RAD51B: variants seen among roughly 807,000 people sequenced by gnomAD.
RAD51B encodes the protein RAD51 paralog B, also known as DNA repair protein RAD51 homolog 2.
In RAD51B, 38 loss-of-function variants were observed where a neutral mutation model predicts 42.2. The ratio of observed to expected loss-of-function variants is 0.90; its 90% CI spans 0.70 to 1.18. The LOEUF (loss-of-function observed/expected upper bound fraction) is 1.18, where lower values mean the gene tolerates loss of function less well. Among genes scored for constraint, RAD51B ranks in the 50% most tolerant of loss-of-function variants. The pLI is 0.00. For synonymous variants in RAD51B, 154 were observed against 145.2 expected (o/e 1.06, Z -0.43); for missense variants, 373 against 400.7 (o/e 0.93, Z 0.59).
intron 4 of RAD51B, among the ~76,000 whole-genome samples, chr14:67,855,843 A>G (rs2041980132): frequency 1.3e-5 from 2 of 152,156 alleles, no homozygotes; most frequent in Admixed American, 1.3e-4. Context: ...AACCAGAGAG[A>G]GATTTCAAAT....
intron 9 of RAD51B, among the ~76,000 whole-genome samples, chr14:68,439,192 T>A (rs201383761): frequency 1.4e-5 from 2 of 139,258 alleles, no homozygotes; most frequent in African/African-American, 2.7e-5. Flanking sequence ...ACACACTCTC[T>A]CACACACACA....
chr14:68,230,643 A>G (rs1334447004), intron 7 of RAD51B, among the ~76,000 whole-genome samples: 1 of 152,196 alleles, frequency 6.6e-6, no homozygotes, highest in Non-Finnish European at 1.5e-5. Context: ...GTTCTATGGG[A>G]TCTACAGTGA....
At chr14:68,201,666 A>C (rs1000271306) in intron 7 of RAD51B, among the ~76,000 whole-genome samples, 14 of 152,218 alleles carry the variant, frequency 9.2e-5, no homozygotes, top group African/African-American at 3.4e-4. Flanking sequence ...ATGGGAGAAA[A>C]TACTGTATAT....
intron 5 of RAD51B, 44 bp downstream of exon 5, chr14:67,865,183 T>C: frequency 6.6e-7 from 1 of 1,508,476 alleles, no homozygotes; most frequent in Non-Finnish European, 8.9e-7. Context: ...CTTTTGTAAC[T>C]TATATACAGC....
At chr14:68,130,865 G>A (rs1343588287) in intron 7 of RAD51B, among the ~76,000 whole-genome samples, 3 of 151,890 alleles carry the variant, frequency 2.0e-5, no homozygotes, top group Admixed American at 2.0e-4. Flanking sequence ...GATCTATATG[G>A]CTGACTTTGT....
rs142099346 is a variant in RAD51B at position 68,516,590 on chromosome 14, A to G, written c.1036+48340A>G. On this transcript the variant is annotated intron_variant, in intron 10 of 10. Coordinates refer to the RAD51B transcript ENST00000487270. ...TGTGAATATTCTTCTTTGACATTATACCAAAACTCAACCAATAGTAGATTA... is the reference window on the plus strand; with the variant it reads ...TGTGAATATTCTTCTTTGACATTATGCCAAAACTCAACCAATAGTAGATTA... 4.1e-3 allele frequency among the ~76,000 whole-genome samples: 627 copies of G among 152,362 alleles called. 7 individuals carry two copies. The highest frequency in any genetic ancestry group is 0.015 in the African/African-American group (604 of 41,586).
chr14:67,893,197 T>C (rs1264060804), intron 7 of RAD51B, among the ~76,000 whole-genome samples: 2 of 152,068 alleles, frequency 1.3e-5, no homozygotes, highest in Admixed American at 6.6e-5. Context: ...TCTTAATACA[T>C]TGGCTTTGAT....
chr14:68,103,052 T>C (rs1198121713), intron 7 of RAD51B, among the ~76,000 whole-genome samples: 1 of 152,062 alleles, frequency 6.6e-6, no homozygotes, highest in African/African-American at 2.4e-5. Context: ...AAGAACAGCA[T>C]GGGGGTAACC....
At chr14:68,530,075 A>AG (rs1887178754) in intron 10 of RAD51B, among the ~76,000 whole-genome samples, 1 of 152,212 alleles carries the variant, frequency 6.6e-6, no homozygotes, top group Non-Finnish European at 1.5e-5. Flanking sequence ...GCATGAAGAT[A>AG]TACTGAGAAG....
At chr14:67,995,614 T>G (rs1306753721) in intron 7 of RAD51B, among the ~76,000 whole-genome samples, 2 of 151,332 alleles carry the variant, frequency 1.3e-5, no homozygotes, top group African/African-American at 2.4e-5. Context: ...TTATATTCTT[T>G]TTTTTTTTTT....
intron 3 of RAD51B, among the ~76,000 whole-genome samples, chr14:67,834,228 C>T (rs1180291720): frequency 6.6e-6 from 1 of 152,140 alleles, no homozygotes; most frequent in African/African-American, 2.4e-5. Context: ...ATTGAATTCC[C>T]TCTGCCTCTC....
At chr14:68,657,671 A>G (rs1047493288) in intron 11 of RAD51B, among the ~76,000 whole-genome samples, 4 of 152,182 alleles carry the variant, frequency 2.6e-5, no homozygotes, top group Admixed American at 6.5e-5. Flanking sequence ...TTTTCTTCCT[A>G]TGTGTGTACT....
chr14:68,525,219 C>T (rs1378475668), intron 10 of RAD51B, among the ~76,000 whole-genome samples: 1 of 152,206 alleles, frequency 6.6e-6, no homozygotes, highest in Admixed American at 6.5e-5. Context: ...CTGAGGGCCA[C>T]CTCTAGAAGC....
intron 7 of RAD51B, among the ~76,000 whole-genome samples, chr14:68,020,303 G>A (rs1319166800): frequency 4.0e-5 from 6 of 151,892 alleles, no homozygotes; most frequent in East Asian, 1.9e-4. Context: ...TAGAGCCCAG[G>A]GTTTCGCTAT....
chr14:68,275,862 T>C (rs1174938591), intron 7 of RAD51B, among the ~76,000 whole-genome samples: 1 of 149,154 alleles, frequency 6.7e-6, no homozygotes, highest in African/African-American at 2.5e-5. Context: ...TCAGCTGACA[T>C]GTTATTTCTA....
intron 7 of RAD51B, among the ~76,000 whole-genome samples, chr14:68,269,118 C>A (rs1239335723): frequency 6.6e-6 from 1 of 152,158 alleles, no homozygotes; most frequent in Non-Finnish European, 1.5e-5. Flanking sequence ...TTTTTTCCCC[C>A]CAGCCAAGAG....
chr14:68,568,248 A>T (rs1889520589), intron 10 of RAD51B, among the ~76,000 whole-genome samples: 1 of 152,240 alleles, frequency 6.6e-6, no homozygotes, highest in Non-Finnish European at 1.5e-5. Flanking sequence ...TGGGTAAAGG[A>T]GATGGCACTT....
At chr14:68,352,597 G>T (rs1471595951) in intron 8 of RAD51B, among the ~76,000 whole-genome samples, 1 of 152,220 alleles carries the variant, frequency 6.6e-6, no homozygotes. Context: ...GGACCTTGAG[G>T]TGTTACAAAC....
chr14:68,558,773 A>G (rs1325666921), intron 10 of RAD51B, among the ~76,000 whole-genome samples: 2 of 152,122 alleles, frequency 1.3e-5, no homozygotes, highest in Admixed American at 6.5e-5. Context: ...TCATAATTAC[A>G]TCTGCAAATA....
Sources: allele counts gnomAD v4.1 joint callset (sites outside exome capture counted in the v4.1 genomes callset), GRCh38; gene constraint gnomAD v4.1.1; transcripts MANE v1.5; gene names NCBI Gene and HGNC (gene_info 2026-07-23, HGNC 2026-07-21).